ZDHHC20: variants seen among roughly 807,000 people sequenced by gnomAD.
ZDHHC20 encodes the protein palmitoyltransferase ZDHHC20.
A neutral mutation model predicts 57.8 loss-of-function variants in ZDHHC20; 43 were observed. That is an observed-to-expected ratio of 0.74 (90% confidence interval 0.58 to 0.96). The LOEUF (loss-of-function observed/expected upper bound fraction) is 0.96. Among genes scored for constraint, ZDHHC20 ranks in the 40% least tolerant of loss-of-function variants. ZDHHC20 has a pLI of 0.00. For synonymous variants in ZDHHC20, 157 were observed against 153.0 expected (o/e 1.03, Z -0.19); for missense variants, 391 against 441.1 (o/e 0.89, Z 1.02).
chr13:21,446,176 G>A (rs1883678061), intron 1 of ZDHHC20, among the ~76,000 whole-genome samples: 1 of 152,200 alleles, frequency 6.6e-6, no homozygotes, highest in Admixed American at 6.5e-5. Context: ...GAGCAGAGGA[G>A]TAATAATCAT....
chr13:21,440,275 C>G (rs28888785), intron 1 of ZDHHC20, among the ~76,000 whole-genome samples: 23,752 of 151,898 alleles, frequency 0.16, 2,526 homozygotes, highest in Non-Finnish European at 0.25. Context: ...ATTGTTTGTA[C>G]TGTTTTTCAA....
At chr13:21,388,831 A>G (rs1341424076) in intron 8 of ZDHHC20, among the ~76,000 whole-genome samples, 1 of 152,240 alleles carries the variant, frequency 6.6e-6, no homozygotes, top group Non-Finnish European at 1.5e-5. Context: ...GCCATGAATT[A>G]GCAAAGGAAT....
chr13:21,455,046 G>C lies in ZDHHC20; in HGVS notation c.118+4008C>G, dbSNP rs993658769. The stretch of plus-strand genomic sequence containing the variant: ...TGCCATTCTCCTGCCTCAGCCTCCC[G>C]AGTAGCTGGGACTACAGGCACCCGC... On this transcript the variant is annotated intron_variant, in intron 1 of 12. Transcript: ENST00000400590. Among the ~76,000 whole-genome samples, 8 of 152,132 alleles carry C rather than the reference G, an allele frequency of 5.3e-5. No individual in the cohort carries two copies. The East Asian group carries it at 1.4e-3, about 26-fold the overall frequency.
chr13:21,421,065 T>C lies in ZDHHC20; in HGVS notation c.245A>G (p.Lys82Arg). The change falls in exon 3 of 13, where the codon AAA (lysine) becomes AGA (arginine). Residue 82 changes from lysine (K) to arginine (R), a missense_variant. Physicochemically the swap from Lys to Arg is conservative, Grantham distance 26. Coordinates refer to ENST00000400590, the MANE Select transcript of ZDHHC20 (RefSeq NM_001330059.2). ...ATTTACCAACATTAAATTTACCTCTTTGGAGGGGGAAGCGGGAGATGTGAA... is the reference window on the plus strand; with the variant it reads ...ATTTACCAACATTAAATTTACCTCTCTGGAGGGGGAAGCGGGAGATGTGAA... Reference protein sequence around the residue: ...TIFTSPASPSKEFYLSNSEKE... With the variant: ...TIFTSPASPSREFYLSNSEKE... 2.5e-6 allele frequency: 4 copies of C among 1,611,222 alleles called. No individual in the cohort carries two copies. Among genetic ancestry groups the C allele is most frequent in the Non-Finnish European group, 3.4e-6 (4 of 1,178,414 alleles).
intron 4 of ZDHHC20, among the ~76,000 whole-genome samples, chr13:21,406,410 G>A (rs1455560418): frequency 6.6e-6 from 1 of 152,082 alleles, no homozygotes; most frequent in Non-Finnish European, 1.5e-5. Context: ...ATTATACTTT[G>A]TTATAAAATA....
chr13:21,448,096 G>A (rs1301130661), intron 1 of ZDHHC20, among the ~76,000 whole-genome samples: 12 of 135,212 alleles, frequency 8.9e-5, no homozygotes, highest in African/African-American at 2.7e-4. Flanking sequence ...CAGCCGCCCC[G>A]TCTGGGAGGT....
At chr13:21,377,408 CGACG>C (rs1478767087) in intron 12 of ZDHHC20, among the ~76,000 whole-genome samples, 6 of 130,498 alleles carry the variant, frequency 4.6e-5, no homozygotes, top group African/African-American at 2.0e-4. Flanking sequence ...TGACTCTGCC[CGACG>C]TGACCTCCAC....
rs886679136 is a variant in ZDHHC20 at position 21,375,051 on chromosome 13, T to G, written c.*1645A>C. ...TGGGAGGCTGAGGCAGGAGACTCTA[T>G]TGAACCTGGAAGGCAGAGGTTGCAG... On this transcript the variant is annotated 3_prime_UTR_variant, in exon 13 of 13. Transcript: ENST00000400590. 8.9e-6 allele frequency: 4 copies of G among 449,050 alleles called. No individual in the cohort carries two copies. The highest frequency in any genetic ancestry group is 4.0e-5 in the African/African-American group (2 of 49,754). The allele number at this position is 449,050 out of a possible 1,614,324, so 27.8% of individuals were successfully genotyped here.
chr13:21,458,822 C>T (rs1479759731), intron 1 of ZDHHC20, among the ~76,000 whole-genome samples: 1 of 152,222 alleles, frequency 6.6e-6, no homozygotes, highest in Non-Finnish European at 1.5e-5. Context: ...GCCAGACCTG[C>T]ACCCGGGAAG....
Position 21,459,258 on chromosome 13 carries a change from G to A in ZDHHC20, c.-87C>T. The stretch of plus-strand genomic sequence containing the variant: ...GACGGTGACTCGGACGCTCCAGGCG[G>A]CTGCTGGTCCAGCTCCCCCGCCTCC... On this transcript the variant is annotated 5_prime_UTR_variant, in exon 1 of 13. Transcript: ENST00000400590. 6.6e-6 allele frequency: 7 copies of A among 1,060,956 alleles called. No individual in the cohort carries two copies. In the South Asian group the frequency reaches 9.8e-5, roughly 15 times the overall value. The allele number at this position is 1,060,956 out of a possible 1,614,324, so 65.7% of individuals were successfully genotyped here.
intron 11 of ZDHHC20, 130 bp downstream of exon 11, chr13:21,381,304 C>A (rs1873365428): frequency 1.2e-6 from 1 of 804,384 alleles, no homozygotes; most frequent in East Asian, 2.7e-5. Flanking sequence ...CCGCGCCCAG[C>A]ATATATTTAA....
chr13:21,406,452 G>A (rs555363728), intron 4 of ZDHHC20, among the ~76,000 whole-genome samples: 1 of 152,128 alleles, frequency 6.6e-6, no homozygotes, highest in Admixed American at 6.6e-5. Context: ...TGTTACATAG[G>A]TATACATGTG....
chr13:21,383,415 T>C (rs545401636), intron 9 of ZDHHC20, among the ~76,000 whole-genome samples: 2 of 152,310 alleles, frequency 1.3e-5, no homozygotes, highest in South Asian at 2.1e-4. Flanking sequence ...TCCACTATGA[T>C]AGTGAGGCCT....
rs781194410 is a variant in ZDHHC20, at chr13:21,421,044, A to T, written c.249+17T>A. The T allele has an allele frequency of 7.5e-6, 12 of 1,594,798 alleles. No individual in the cohort carries two copies. In the African/African-American group the frequency reaches 1.5e-4, roughly 20 times the overall value. ...AATCAGTTAAAACATTTGGTAATTT[A>T]CCAACATTAAATTTACCTCTTTGGA... On this transcript the variant is annotated intron_variant, in intron 3 of 12. Transcript: ENST00000400590.
In ZDHHC20 at chr13:21,417,190, T is replaced by TAAAGTAGCTCTTTCTCCCCG. The variant is rs553829530; in HGVS notation, c.250-3438_250-3419dup. ...CGGAGATTTATCTGACTATACTATC[T>TAAAGTAGCTCTTTCTCCCCG]AAAGTAGCTCTTTCTCCCCGAAAGT... On this transcript the variant is annotated intron_variant, in intron 3 of 12. Transcript: ENST00000400590. Among the ~76,000 whole-genome samples the TAAAGTAGCTCTTTCTCCCCG allele has an allele frequency of 4.5e-3, 683 of 152,332 alleles. 9 individuals carry two copies. The highest frequency in any genetic ancestry group is 0.016 in the African/African-American group (645 of 41,566).
At chr13:21,398,014 T>C (rs1050456681) in intron 7 of ZDHHC20, among the ~76,000 whole-genome samples, 1 of 152,206 alleles carries the variant, frequency 6.6e-6, no homozygotes, top group South Asian at 2.1e-4. Context: ...ATTTACACTA[T>C]TTATTTTAAT....
At chr13:21,397,803 A>G (rs1365219720) in intron 7 of ZDHHC20, among the ~76,000 whole-genome samples, 1 of 152,210 alleles carries the variant, frequency 6.6e-6, no homozygotes, top group Non-Finnish European at 1.5e-5. Flanking sequence ...GCTAGCAAGC[A>G]TATCCTCATA....
intron 3 of ZDHHC20, 24 bp downstream of exon 3, chr13:21,421,037 G>C: frequency 1.9e-6 from 3 of 1,569,762 alleles, no homozygotes; most frequent in Non-Finnish European, 2.6e-6. Flanking sequence ...AAAACATTTG[G>C]TAATTTACCA....
At chr13:21,397,449 A>T (rs972393466) in intron 7 of ZDHHC20, among the ~76,000 whole-genome samples, 1 of 152,012 alleles carries the variant, frequency 6.6e-6, no homozygotes, top group Non-Finnish European at 1.5e-5. Context: ...ACTGTTTGAG[A>T]TCAGGACTTA....
Sources: allele counts gnomAD v4.1 joint callset (sites outside exome capture counted in the v4.1 genomes callset), GRCh38; gene constraint gnomAD v4.1.1; transcripts MANE v1.5; gene names NCBI Gene and HGNC (gene_info 2026-07-23, HGNC 2026-07-21).